Variants in ANKRD12 observed in about 807,000 individuals in gnomAD.
ANKRD12 encodes the protein ankyrin repeat domain 12.
ANKRD12 carries 85 observed loss-of-function variants against 183.4 expected under a neutral mutation model. The ratio of observed to expected loss-of-function variants is 0.46; its 90% confidence interval spans 0.39 to 0.56. ANKRD12 has a LOEUF of 0.56. ANKRD12 is among the 20% of genes least tolerant of loss of function. ANKRD12 has a pLI of 0.00. For synonymous variants in ANKRD12, 914 were observed against 800.2 expected, an observed-to-expected ratio of 1.14 and a Z score of -2.40; for missense variants, 2,405 against 2,357.1, an observed-to-expected ratio of 1.02 and a Z score of -0.42.
chr18:9,181,439 T>G lies in ANKRD12; in HGVS notation c.-51-943T>G, dbSNP rs7232468. On this transcript the variant is annotated intron_variant, in intron 1 of 12. Transcript: ENST00000262126. ...TCTATGATATCCATCTGTAGGAGATTTATAGCATGAAAGAGTTCAAAGTAA... is the reference window on the plus strand; with the variant it reads ...TCTATGATATCCATCTGTAGGAGATGTATAGCATGAAAGAGTTCAAAGTAA... Among the ~76,000 whole-genome samples, 954 of 152,318 alleles carry G rather than the reference T, an allele frequency of 6.3e-3. 10 individuals carry two copies. Among genetic ancestry groups the G allele is most frequent in the African/African-American group, 0.022 (895 of 41,556 alleles).
intron 1 of ANKRD12, among the ~76,000 whole-genome samples, chr18:9,159,332 A>G (rs914668403): frequency 6.6e-6 from 1 of 152,224 alleles, no homozygotes; most frequent in Non-Finnish European, 1.5e-5. Flanking sequence ...GCTGTAATCC[A>G]TTACCACATT....
intron 1 of ANKRD12, among the ~76,000 whole-genome samples, chr18:9,175,631 A>G (rs2033203992): frequency 7.1e-6 from 1 of 140,922 alleles, no homozygotes; most frequent in Admixed American, 8.0e-5. Flanking sequence ...TGGTTCAAGC[A>G]GTTCTCAAGC....
intron 1 of ANKRD12, chr18:9,137,713 G>T (rs1406566923): frequency 1.3e-5 from 2 of 152,268 alleles, no homozygotes; most frequent in East Asian, 3.8e-4. Flanking sequence ...TAACCTTGCC[G>T]CATTGGACAG....
intron 3 of ANKRD12, among the ~76,000 whole-genome samples, chr18:9,198,695 G>A (rs973405429): frequency 1.3e-5 from 2 of 151,930 alleles, no homozygotes; most frequent in South Asian, 2.1e-4. Context: ...GATTACAGGC[G>A]CCTGCCACGA....
At chr18:9,169,549 G>A (rs1036374412) in intron 1 of ANKRD12, among the ~76,000 whole-genome samples, 31 of 151,492 alleles carry the variant, frequency 2.0e-4, no homozygotes, top group Non-Finnish European at 1.5e-4. Context: ...GCCTTTTTTT[G>A]TTTTCCATTT....
At chr18:9,180,244 C>T (rs912487114) in intron 1 of ANKRD12, among the ~76,000 whole-genome samples, 4 of 152,030 alleles carry the variant, frequency 2.6e-5, no homozygotes, top group African/African-American at 9.7e-5. Flanking sequence ...TCTGTTTTGT[C>T]GATGTTGTTA....
intron 11 of ANKRD12, 39 bp from the exon 12 acceptor site, chr18:9,279,510 G>T (rs1430160699): frequency 8.2e-7 from 1 of 1,212,228 alleles, no homozygotes; most frequent in African/African-American, 1.5e-5. Context: ...ATTTTAAAGT[G>T]ATTTATTGTA....
In ANKRD12 at chr18:9,208,796, C is replaced by T. The variant is rs1420660506; in HGVS notation, c.444C>T (p.Asn148=). 1.3e-6 allele frequency: 2 copies of T among 1,598,526 alleles called. No individual in the cohort carries two copies. Among genetic ancestry groups the T allele is most frequent in the East Asian group, 4.5e-5 (2 of 44,466 alleles). ...ALLMQMTARD[N]SPDSTPNHPS... is the part of the protein sequence containing the mutation. ...TTATGCAGATGACAGCAAGAGACAA[C>T]AGTCCAGGTGATACCTACCATCATT... is the stretch of plus-strand genomic sequence containing the variant. The change falls in exon 5 of 13, where the codon AAC becomes AAT. Residue 148 remains asparagine (N), a synonymous_variant. Coordinates refer to ENST00000262126, the MANE Select transcript of ANKRD12 (RefSeq NM_015208.5).
chr18:9,157,412 A>G (rs2030648923), intron 1 of ANKRD12, among the ~76,000 whole-genome samples: 1 of 152,000 alleles, frequency 6.6e-6, no homozygotes, highest in South Asian at 2.1e-4. Context: ...AAATTCAAAA[A>G]TCAAAGTACT....
intron 8 of ANKRD12, among the ~76,000 whole-genome samples, chr18:9,238,065 T>C (rs2037450083): frequency 6.6e-6 from 1 of 152,186 alleles, no homozygotes; most frequent in Admixed American, 6.5e-5. Context: ...CCTTATCCTT[T>C]GAAATTCTCC....
chr18:9,164,933 T>C (rs2031869179), intron 1 of ANKRD12, among the ~76,000 whole-genome samples: 1 of 152,202 alleles, frequency 6.6e-6, no homozygotes, highest in South Asian at 2.1e-4. Flanking sequence ...CAGAGCTGAA[T>C]TTAGGTCCTG....
At chr18:9,176,138 T>C (rs1183265435) in intron 1 of ANKRD12, among the ~76,000 whole-genome samples, 1 of 152,246 alleles carries the variant, frequency 6.6e-6, no homozygotes, top group Non-Finnish European at 1.5e-5. Context: ...GTGACATTGC[T>C]AAGATAATGA....
At chr18:9,243,962 C>T (rs1306330549) in intron 8 of ANKRD12, among the ~76,000 whole-genome samples, 3 of 152,068 alleles carry the variant, frequency 2.0e-5, no homozygotes, top group Admixed American at 6.5e-5. Context: ...ATGGTGAAAC[C>T]GGTTTCCGTC....
intron 1 of ANKRD12, among the ~76,000 whole-genome samples, chr18:9,147,997 C>A (rs1478685279): frequency 6.6e-6 from 1 of 152,116 alleles, no homozygotes; most frequent in East Asian, 1.9e-4. Context: ...CTTTTAGAAC[C>A]TGTAAACTTT....
rs760618238 is a variant in ANKRD12, at chr18:9,255,567, T to A, written c.2300T>A (p.Ile767Lys). ...GAGAAATCTTTTAGGGAGGAAAAAA[T>A]AAAAGATCTAAAAGAAGAGAGAGAA... ...ESEKSFREEK[I>K]KDLKEERENI... is the part of the protein sequence containing the mutation. Residue 767 changes from isoleucine to lysine, a missense_variant, in exon 9 of 13, where the codon ATA (isoleucine) becomes AAA (lysine). Ile to Lys is a moderately radical substitution (Grantham distance 102). This residue lies in a region of ANKRD12 where 1,983 missense variants were observed against 1,725.9 expected (regional missense o/e 1.15). Transcript: ENST00000262126. 2 of 1,564,992 alleles carry A rather than the reference T, an allele frequency of 1.3e-6. No homozygotes were observed. Among genetic ancestry groups the A allele is most frequent in the Non-Finnish European group, 1.7e-6 (2 of 1,166,712 alleles).
In ANKRD12 at chr18:9,281,097, A is replaced by C; in HGVS notation, c.6160A>C (p.Asn2054His). The change falls in exon 13 of 13, where the codon AAC (asparagine) becomes CAC (histidine). Residue 2054 changes from asparagine (N) to histidine (H), a missense_variant. Coordinates refer to ENST00000262126, the MANE Select transcript of ANKRD12 (RefSeq NM_015208.5). ...GTTTTATGTTCCCCTTGTTGATGTT[A>C]ACGACGACTTTGAATTGACTCCTAT... Reference protein sequence around the residue: ...QEFYVPLVDVNDDFELTPI With the variant: ...QEFYVPLVDVHDDFELTPI The C allele has an allele frequency of 6.2e-7, 1 of 1,613,970 alleles. No homozygotes were observed. Among genetic ancestry groups the C allele is most frequent in the Non-Finnish European group, 8.5e-7 (1 of 1,179,968 alleles).
At chr18:9,248,203 G>A (rs1431749615) in intron 8 of ANKRD12, among the ~76,000 whole-genome samples, 3 of 152,210 alleles carry the variant, frequency 2.0e-5, no homozygotes, top group Non-Finnish European at 4.4e-5. Flanking sequence ...TGGGGATTTT[G>A]CTGGGGTTTA....
At chr18:9,211,444 T>C in intron 5 of ANKRD12, 140 bp from the exon 6 acceptor site, 3 of 704,212 alleles carry the variant, frequency 4.3e-6, no homozygotes, top group South Asian at 2.0e-5. Flanking sequence ...TAACGGATCA[T>C]CCAAGTCAAG....
Position 9,222,018 on chromosome 18 carries a change from ACATT to A in ANKRD12, c.943+23_943+26del, listed in dbSNP as rs372587912. The A allele has an allele frequency of 4.6e-4, 748 of 1,611,826 alleles. 2 individuals are homozygous for A. In the African/African-American group the frequency reaches 9.1e-3, roughly 20 times the overall value. On this transcript the variant is annotated intron_variant, in intron 8 of 12. Coordinates refer to ENST00000262126, the MANE Select transcript of ANKRD12 (RefSeq NM_015208.5). ...TACACAGGTTTGTTTCAGATAATCT[ACATT>A]CATCTGTTCGTTTGACATGATATTT...
Sources: gnomAD v4.1 joint callset for allele counts (sites outside exome capture counted in the v4.1 genomes callset) on GRCh38, gnomAD v4.1.1 for gene constraint, gnomAD v4.1.1 regional missense constraint, MANE v1.5 for transcripts, NCBI Gene and HGNC (gene_info 2026-07-23, HGNC 2026-07-21) for gene names.